Variants in ZNF17 observed in about 807,000 individuals in gnomAD.
ZNF17 encodes the protein zinc finger protein 17 (HPF3, KOX 10).
In ZNF17, 4 loss-of-function variants were observed where a neutral mutation model predicts 7.7. That is an observed-to-expected ratio of 0.52 (90% CI 0.26 to 1.20). ZNF17 has a LOEUF of 1.20. Ranked by LOEUF, ZNF17 falls within the 50% of genes most tolerant of loss-of-function variation. ZNF17 has a pLI of 0.14. For missense variants in ZNF17, 738 were observed against 799.5 expected (o/e 0.92, Z 0.93); for synonymous variants, 249 against 258.8 (o/e 0.96, Z 0.36).
Position 57,421,425 on chromosome 19 carries a change from AG to A in ZNF17, c.1940del (p.Arg647LysfsTer45). On this transcript the variant is annotated frameshift_variant, in exon 4 of 4. Transcript: ENST00000307658. LOFTEE classifies it low-confidence loss of function (END_TRUNC). ...ERPYQCSECG[R>X]VFNQNSHLIQ... ...ACCTTATCAGTGCAGTGAATGTGGA[AG>A]AGTCTTTAACCAAAATTCTCATCTC... 6.2e-7 allele frequency: 1 copy of A among 1,613,686 alleles called. No individual in the cohort carries two copies.
In ZNF17 at chr19:57,420,301, G is replaced by C; in HGVS notation, c.815G>C (p.Gly272Ala). The change falls in exon 4 of 4, where the codon GGA becomes GCA. Residue 272 changes from glycine (G) to alanine (A), a missense_variant. Transcript: ENST00000307658. ...NVVQHQKIHTGERPYECSECG... is the reference protein window; with the variant it reads ...NVVQHQKIHTAERPYECSECG... Reference sequence around the variant, plus strand: ...GTTCAACACCAGAAAATTCACACTGGAGAAAGGCCTTATGAGTGCAGTGAA... The same window carrying C: ...GTTCAACACCAGAAAATTCACACTGCAGAAAGGCCTTATGAGTGCAGTGAA... 1 of 1,614,072 alleles carries C rather than the reference G, an allele frequency of 6.2e-7. No homozygotes were observed. The highest frequency in any genetic ancestry group is 8.5e-7 in the Non-Finnish European group (1 of 1,180,020).
intron 2 of ZNF17, among the ~76,000 whole-genome samples, chr19:57,417,341 A>C (rs8110803): frequency 0.27 from 41,166 of 151,940 alleles, 5,981 homozygotes; most frequent in African/African-American, 0.35. Flanking sequence ...TGATTTTGGC[A>C]GCCTTGGGGT....
chr19:57,418,135 C>T, intron 3 of ZNF17, 97 bp downstream of exon 3: 2 of 1,455,050 alleles, frequency 1.4e-6, no homozygotes, highest in Non-Finnish European at 1.9e-6. Context: ...ATGGATGCTG[C>T]ATCCTCTCCT....
chr19:57,420,170 G>C lies in ZNF17; in HGVS notation c.684G>C (p.Leu228Phe). 1 of 1,612,940 alleles carries C rather than the reference G, an allele frequency of 6.2e-7. No individual in the cohort carries two copies. Among genetic ancestry groups the C allele is most frequent in the African/African-American group, 1.3e-5 (1 of 74,936 alleles). Residue 228 changes from leucine (L) to phenylalanine (F), a missense_variant, in exon 4 of 4, where the codon TTG (leucine) becomes TTC (phenylalanine). Leu to Phe is a conservative substitution (Grantham distance 22). Around this residue, in one of 3 missense-constraint regions of ZNF17, gnomAD observed 616 missense variants for 663.9 expected, o/e 0.93. Coordinates refer to ENST00000307658, the MANE Select transcript of ZNF17 (RefSeq NM_001330617.2). ...RPYECSECGK[L>F]FRYNSDLIKH... ...ATGAGTGCAGTGAATGTGGCAAATT[G>C]TTTAGGTACAACTCCGACCTTATTA... is the stretch of plus-strand genomic sequence containing the variant.
In ZNF17 at chr19:57,411,367, G is replaced by C. The variant is rs755670158; in HGVS notation, c.-60G>C. 1.2e-6 allele frequency: 2 copies of C among 1,612,498 alleles called. No individual in the cohort carries two copies. Among genetic ancestry groups the C allele is most frequent in the South Asian group, 2.2e-5 (2 of 90,836 alleles). On this transcript the variant is annotated 5_prime_UTR_variant, in exon 1 of 4. Transcript: ENST00000307658. ...TGCCGCTCCCGCCCCGCTCTTCCCTGGCTGTGCTGGCGGAGGCTGCGCCGA... is the reference window on the plus strand; with the variant it reads ...TGCCGCTCCCGCCCCGCTCTTCCCTCGCTGTGCTGGCGGAGGCTGCGCCGA...
At chr19:57,419,598 A>G in intron 3 of ZNF17, 37 bp from the exon 4 acceptor site, 1 of 1,573,056 alleles carries the variant, frequency 6.4e-7, no homozygotes, top group Middle Eastern at 1.7e-4. Context: ...TCTTCCCTCC[A>G]AAGTCATCAT....
At chr19:57,418,343 C>G (rs1212644340) in intron 3 of ZNF17, among the ~76,000 whole-genome samples, 2 of 152,170 alleles carry the variant, frequency 1.3e-5, no homozygotes, top group Admixed American at 1.3e-4. Context: ...GACACTTTCT[C>G]TGTGCAAGGC....
rs1362497779 is a variant in ZNF17, at chr19:57,420,129, A to G, written c.643A>G (p.Thr215Ala). ...HTLFEHQKIH[T>A]EERPYECSEC... ...ACTGTTTGAGCACCAGAAAATCCAC[A>G]CAGAGGAAAGGCCTTATGAGTGCAG... is the stretch of plus-strand genomic sequence containing the variant. Residue 215 changes from threonine (T) to alanine (A), a missense_variant, in exon 4 of 4, where the codon ACA becomes GCA. Physicochemically the swap from Thr to Ala is moderately conservative, Grantham distance 58 (BLOSUM62 0). Coordinates refer to ENST00000307658, the MANE Select transcript of ZNF17 (RefSeq NM_001330617.2). 3 of 1,614,256 alleles carry G rather than the reference A, an allele frequency of 1.9e-6. No homozygotes were observed. Among genetic ancestry groups the G allele is most frequent in the Non-Finnish European group, 2.5e-6 (3 of 1,180,044 alleles).
chr19:57,417,649 C>A (rs541920466), intron 2 of ZNF17, among the ~76,000 whole-genome samples: 14 of 151,940 alleles, frequency 9.2e-5, no homozygotes, highest in Non-Finnish European at 8.8e-5. Flanking sequence ...GAGTTCTAGA[C>A]CAGCCTGAAC....
chr19:57,419,128 G>C (rs945295690), intron 3 of ZNF17: 7 of 154,694 alleles, frequency 4.5e-5, no homozygotes, highest in Non-Finnish European at 8.6e-5. Context: ...TGATCCGCCT[G>C]CCTTGGCCTC....
intron 2 of ZNF17, among the ~76,000 whole-genome samples, chr19:57,416,813 C>T (rs564062749): frequency 1.5e-4 from 23 of 152,154 alleles, no homozygotes; most frequent in African/African-American, 4.8e-4. Flanking sequence ...CGGCCATGTG[C>T]CAGGTTTTGA....
intron 2 of ZNF17, among the ~76,000 whole-genome samples, chr19:57,417,210 C>T (rs935599824): frequency 2.0e-5 from 3 of 151,982 alleles, no homozygotes; most frequent in African/African-American, 7.3e-5. Flanking sequence ...GAGGAAATAG[C>T]GGATTTGGTC....
In ZNF17 at chr19:57,411,237, A is replaced by G. The variant is rs892200943; in HGVS notation, c.-190A>G. ...CAGGCTGAGTCGAGACTGAGGTGAA[A>G]AAGCGGAAAAACGCGAGAAAAGGTT... On this transcript the variant is annotated 5_prime_UTR_variant, in exon 1 of 4. Transcript: ENST00000307658. 2.7e-6 allele frequency: 3 copies of G among 1,115,768 alleles called. No individual in the cohort carries two copies. The highest frequency in any genetic ancestry group is 2.6e-5 in the East Asian group (1 of 37,760). The allele number at this position is 1,115,768 out of a possible 1,614,324, so 69.1% of individuals were successfully genotyped here. A position where few individuals can be genotyped will look rare whatever the true frequency, so the allele number is the denominator to read the frequency against.
chr19:57,413,526 G>A, intron 1 of ZNF17, 70 bp from the exon 2 acceptor site: 1 of 1,507,892 alleles, frequency 6.6e-7, no homozygotes, highest in East Asian at 2.5e-5. Flanking sequence ...AGGGCCAGAG[G>A]TGGTTGTACA....
chr19:57,412,701 C>A (rs1349723524), intron 1 of ZNF17, among the ~76,000 whole-genome samples: 2 of 152,124 alleles, frequency 1.3e-5, no homozygotes, highest in African/African-American at 4.8e-5. Context: ...GCCTCAGCCT[C>A]CCAAAGTGCT....
rs777773862 is a variant in ZNF17 at position 57,420,654 on chromosome 19, T to C, written c.1168T>C (p.Cys390Arg). 3 of 1,613,328 alleles carry C rather than the reference T, an allele frequency of 1.9e-6. No individual in the cohort carries two copies. Among genetic ancestry groups the C allele is most frequent in the Non-Finnish European group, 2.5e-6 (3 of 1,179,410 alleles). Residue 390 changes from cysteine (C) to arginine (R), a missense_variant, in exon 4 of 4, where the codon TGC becomes CGC. Coordinates refer to ENST00000307658, the MANE Select transcript of ZNF17 (RefSeq NM_001330617.2). ...TCATACTGGAGAAAAACCTTATGAA[T>C]GCAACGAATGTGGGAAATTCTTTAG... is the stretch of plus-strand genomic sequence containing the variant. Reference protein sequence around the residue: ...RVHTGEKPYECNECGKFFRYR... With the variant: ...RVHTGEKPYERNECGKFFRYR...
In ZNF17 at chr19:57,417,936, G is replaced by A. The variant is rs758221683; in HGVS notation, c.46G>A (p.Ala16Thr). 7 of 1,613,920 alleles carry A rather than the reference G, an allele frequency of 4.3e-6. No individual in the cohort carries two copies. Among genetic ancestry groups the A allele is most frequent in the African/African-American group, 1.3e-5 (1 of 74,872 alleles). Residue 16 changes from alanine to threonine, a missense_variant, in exon 3 of 4, where the codon GCC (alanine) becomes ACC (threonine). This residue lies in a region of ZNF17 where 616 missense variants were observed against 663.9 expected (regional missense o/e 0.93). Coordinates refer to ENST00000307658, the MANE Select transcript of ZNF17 (RefSeq NM_001330617.2). ...GGATTATATGGTTTTTGAGGACGTG[G>A]CCATACATTTCTCCCAGGAGGAGTG... is the stretch of plus-strand genomic sequence containing the variant. The part of the protein sequence containing the change: ...GQDYMVFEDV[A>T]IHFSQEEWGI...
chr19:57,421,103 C>T lies in ZNF17; in HGVS notation c.1617C>T (p.His539=). 6.2e-7 allele frequency: 1 copy of T among 1,613,910 alleles called. No individual in the cohort carries two copies. Among genetic ancestry groups the T allele is most frequent in the Non-Finnish European group, 8.5e-7 (1 of 1,179,782 alleles). Residue 539 remains histidine, a synonymous_variant, in exon 4 of 4, where the codon CAC becomes CAT. Coordinates refer to ENST00000307658, the MANE Select transcript of ZNF17 (RefSeq NM_001330617.2). ...GTGAATGTGGGAAATTCTTTAGGCA[C>T]AACTCAAATCATATTAGACATCGGA... ...ECSECGKFFR[H]NSNHIRHRRN... is the part of the protein sequence containing the mutation.
At chr19:57,413,575 A>G in intron 1 of ZNF17, 21 bp from the exon 2 acceptor site, 1 of 1,535,696 alleles carries the variant, frequency 6.5e-7, no homozygotes, top group South Asian at 1.2e-5. Flanking sequence ...CTTAATCCTC[A>G]TGGCCTGCCT....
Sources: allele counts gnomAD v4.1 joint callset (sites outside exome capture counted in the v4.1 genomes callset), GRCh38; gene constraint gnomAD v4.1.1; regional missense constraint gnomAD v4.1.1; transcripts MANE v1.5; gene names NCBI Gene and HGNC (gene_info 2026-07-23, HGNC 2026-07-21).